Variants in MTMR10 observed in about 807,000 individuals in gnomAD.
The protein encoded by MTMR10 is myotubularin related protein 10.
Under a neutral mutation model 88.1 loss-of-function variants are expected in MTMR10, and 56 were observed. The ratio of observed to expected loss-of-function variants is 0.64; its 90% CI spans 0.51 to 0.79. The LOEUF (loss-of-function observed/expected upper bound fraction) is 0.79. Ranked by LOEUF, MTMR10 falls within the 30% of genes least tolerant of loss-of-function variation. The pLI is 0.00. For synonymous variants in MTMR10, 380 were observed against 340.9 expected (o/e 1.11, Z -1.26); for missense variants, 883 against 924.7 (o/e 0.95, Z 0.58).
At chr15:30,980,317 C>A (rs766759484) in intron 2 of MTMR10, among the ~76,000 whole-genome samples, 6 of 152,212 alleles carry the variant, frequency 3.9e-5, no homozygotes, top group Non-Finnish European at 8.8e-5. Flanking sequence ...CTACAGCACT[C>A]AGCAGAAAGT....
At chr15:30,943,762 G>T (rs2063123068) in intron 14 of MTMR10, 1 of 985,124 alleles carries the variant, frequency 1.0e-6, no homozygotes, top group African/African-American at 1.7e-5. Context: ...AAGGCTACAG[G>T]GTGACAGCCA....
chr15:30,980,497 T>C (rs944547527), intron 2 of MTMR10, among the ~76,000 whole-genome samples: 1 of 152,260 alleles, frequency 6.6e-6, no homozygotes, highest in African/African-American at 2.4e-5. Flanking sequence ...AACAGATGTG[T>C]GTACACCTGG....
downstream of MTMR10, among the ~76,000 whole-genome samples, chr15:30,934,802 C>T (rs1367591646): frequency 6.6e-6 from 1 of 152,222 alleles, no homozygotes; most frequent in Non-Finnish European, 1.5e-5. Context: ...TCAGGTGATA[C>T]ACACTTTAGA....
intron 9 of MTMR10, among the ~76,000 whole-genome samples, chr15:30,957,293 AC>A (rs1233681223): frequency 3.9e-5 from 6 of 152,248 alleles, no homozygotes; most frequent in Admixed American, 3.9e-4. Flanking sequence ...AAACTGTAAC[AC>A]ACACATATAT....
At chr15:30,947,034 A>C (rs565454664) in intron 14 of MTMR10, 96 bp downstream of exon 14, 1 of 1,401,368 alleles carries the variant, frequency 7.1e-7, no homozygotes, top group South Asian at 1.5e-5. Context: ...ATTTTAAATC[A>C]TAAGATTTTA....
At chr15:30,951,493 T>C (rs2141005913) in intron 12 of MTMR10, among the ~76,000 whole-genome samples, 1 of 134,846 alleles carries the variant, frequency 7.4e-6, no homozygotes, top group East Asian at 2.3e-4. Context: ...TTGCAGTCCT[T>C]GTGCCACTGG....
chr15:30,935,760 T>C (rs528177282), downstream of MTMR10, among the ~76,000 whole-genome samples: 1 of 147,364 alleles, frequency 6.8e-6, no homozygotes, highest in East Asian at 1.9e-4. Context: ...ATGAATTTTA[T>C]GTTGACAGTT....
At chr15:30,934,333 A>G (rs1176886547), downstream of MTMR10, among the ~76,000 whole-genome samples, 2 of 152,070 alleles carry the variant, frequency 1.3e-5, no homozygotes, top group Admixed American at 1.3e-4. Context: ...GATTTCCTGT[A>G]GGCATCATAT....
intron 2 of MTMR10, among the ~76,000 whole-genome samples, chr15:30,986,806 T>A (rs141104451): frequency 6.6e-6 from 1 of 152,192 alleles, no homozygotes; most frequent in Non-Finnish European, 1.5e-5. Flanking sequence ...ACCCCACGCC[T>A]TTCTGCGATA....
intron 2 of MTMR10, among the ~76,000 whole-genome samples, chr15:30,981,237 G>A (rs1219962982): frequency 1.3e-5 from 2 of 152,224 alleles, no homozygotes; most frequent in Non-Finnish European, 2.9e-5. Context: ...CTCTCTCCAG[G>A]AAGTGGAGCT....
chr15:30,937,391 T>C, downstream of MTMR10: 3 of 778,894 alleles, frequency 3.9e-6, no homozygotes, highest in South Asian at 4.0e-5. Flanking sequence ...TGTCTGCATA[T>C]CACAAAACAG....
At chr15:30,947,087 G>T (rs1433647642) in intron 14 of MTMR10, 43 bp downstream of exon 14, 1 of 1,544,156 alleles carries the variant, frequency 6.5e-7, no homozygotes, top group African/African-American at 1.4e-5. Flanking sequence ...CGATAAAGTT[G>T]TAAAAACAGG....
At chr15:30,990,961 T>C in intron 1 of MTMR10, 124 bp from the exon 2 acceptor site, 1 of 773,354 alleles carries the variant, frequency 1.3e-6, no homozygotes, top group Non-Finnish European at 2.1e-6. Flanking sequence ...ATTTAAATTC[T>C]TTCGCATATT....
the MTMR10 span, among the ~76,000 whole-genome samples, chr15:30,925,615 G>A: frequency 3.9e-5 from 6 of 152,334 alleles, no homozygotes; most frequent in East Asian, 9.6e-4. Flanking sequence ...TCCCAGGGCC[G>A]GACCAGCGAA....
rs189711243 is a variant in MTMR10, at chr15:30,967,960, G to A, written c.525C>T (p.Leu175=). The A allele has an allele frequency of 6.4e-7, 1 of 1,572,890 alleles. No homozygotes were observed. The highest frequency in any genetic ancestry group is 1.8e-5 in the Admixed American group (1 of 54,460). The change falls in exon 6 of 16, where the codon CTC becomes CTT. Residue 175 remains leucine (L), a synonymous_variant. Coordinates refer to ENST00000435680, the MANE Select transcript of MTMR10 (RefSeq NM_017762.3). ...TTTTCCCAACATATTCAAATGCAAAGAGTAGCTGGAGGTCTGTTGGCTGGG... is the reference window on the plus strand; with the variant it reads ...TTTTCCCAACATATTCAAATGCAAAAAGTAGCTGGAGGTCTGTTGGCTGGG... ...HYSQPTDLQL[L]FAFEYVGKKY...
chr15:30,928,291 C>T, the MTMR10 span: 2 of 1,257,338 alleles, frequency 1.6e-6, no homozygotes, highest in Non-Finnish European at 1.0e-6. Context: ...AGAACCACTG[C>T]TTTGTGGCTT....
intron 11 of MTMR10, 21 bp from the exon 12 acceptor site, chr15:30,952,059 G>C (rs1256908457): frequency 6.2e-7 from 1 of 1,603,386 alleles, no homozygotes; most frequent in East Asian, 2.2e-5. Flanking sequence ...AAAAGGAAAA[G>C]CAGTGTTAAA....
chr15:30,973,996 A>G (rs1028735440), intron 5 of MTMR10, among the ~76,000 whole-genome samples: 1 of 152,240 alleles, frequency 6.6e-6, no homozygotes, highest in East Asian at 1.9e-4. Context: ...TAATTACAGT[A>G]TATCACCAAC....
chr15:30,946,710 A>G, intron 14 of MTMR10: 1 of 702,920 alleles, frequency 1.4e-6, no homozygotes, highest in Non-Finnish European at 2.6e-6. Context: ...ACATCAATGA[A>G]TTGTGACCAG....
Sources: gnomAD v4.1 joint callset for allele counts (sites outside exome capture counted in the v4.1 genomes callset) on GRCh38, gnomAD v4.1.1 for gene constraint, MANE v1.5 for transcripts, NCBI Gene and HGNC (gene_info 2026-07-23, HGNC 2026-07-21) for gene names.